The following DSCAM variants were observed in gnomAD, a reference collection of about 807,000 sequenced individuals.
DSCAM encodes the protein DS cell adhesion molecule.
Under a neutral mutation model 217.7 loss-of-function variants are expected in DSCAM, and 47 were observed. That is an observed-to-expected ratio of 0.22 (90% CI 0.17 to 0.28). DSCAM has a LOEUF of 0.28. DSCAM is among the 10% of genes least tolerant of loss of function. The probability of loss-of-function intolerance (pLI) is 1.00; values close to 1 mark genes in which losing one functional copy is unlikely to be tolerated. For synonymous variants in DSCAM, 1,056 were observed against 1,015.3 expected, an observed-to-expected ratio of 1.04 and a Z score of -0.76; for missense variants, 2,080 against 2,618.3, an observed-to-expected ratio of 0.79 and a Z score of 4.49.
In DSCAM at chr21:40,829,768, G is replaced by A. The variant is rs181665291; in HGVS notation, c.43+16851C>T. On this transcript the variant is annotated intron_variant, in intron 1 of 32. Transcript: ENST00000400454. ...AAAAGATGGGTGACACATGCTGCAC[G>A]TTGGGAAGTGGGGATGACCAGGTGC... 1.5e-4 allele frequency among the ~76,000 whole-genome samples: 23 copies of A among 152,260 alleles called. 1 individual carries two copies. Among genetic ancestry groups the A allele is most frequent in the Admixed American group, 4.6e-4 (7 of 15,302 alleles).
chr21:40,494,720 T>C (rs556803512), intron 3 of DSCAM, among the ~76,000 whole-genome samples: 200 of 149,568 alleles, frequency 1.3e-3, no homozygotes, highest in African/African-American at 4.4e-3. Flanking sequence ...GAGAACAAAC[T>C]AAGCCCATAA....
chr21:40,821,406 C>T (rs940577109), intron 1 of DSCAM, among the ~76,000 whole-genome samples: 3 of 151,824 alleles, frequency 2.0e-5, no homozygotes, highest in African/African-American at 7.3e-5. Context: ...CACACACACA[C>T]ACACACACAC....
intron 11 of DSCAM, among the ~76,000 whole-genome samples, chr21:40,266,760 C>A: frequency 2.0e-5 from 2 of 98,596 alleles, no homozygotes; most frequent in African/African-American, 4.1e-5. Flanking sequence ...TATATATCAT[C>A]TTGAAATTTT....
At chr21:40,427,669 G>A (rs2075488350) in intron 3 of DSCAM, among the ~76,000 whole-genome samples, 1 of 152,190 alleles carries the variant, frequency 6.6e-6, no homozygotes, top group Non-Finnish European at 1.5e-5. Flanking sequence ...AAAGAGTTAG[G>A]GAGAGGATAA....
At position 40,784,370 on chromosome 21, in the gene DSCAM, C is replaced by A. The variant is rs539108462; in HGVS notation, c.43+62249G>T. ...CTGCCGTGTAAGGCGTGCCTTTCAC[C>A]TTCCACCATGATTGTGAGGCCTCCC... On this transcript the variant is annotated intron_variant, in intron 1 of 32. Coordinates refer to ENST00000400454, the MANE Select transcript of DSCAM (RefSeq NM_001389.5). 1.4e-4 allele frequency among the ~76,000 whole-genome samples: 21 copies of A among 152,222 alleles called. No homozygotes were observed. The South Asian group carries it at 4.4e-3, about 32-fold the overall frequency.
intron 29 of DSCAM, among the ~76,000 whole-genome samples, chr21:40,055,260 A>G (rs1469974161): frequency 6.6e-6 from 1 of 152,138 alleles, no homozygotes; most frequent in Non-Finnish European, 1.5e-5. Context: ...GTACAAAGAC[A>G]TGTGTTTGTT....
At position 40,607,376 on chromosome 21, in the gene DSCAM, T is replaced by C. The variant is rs536958089; in HGVS notation, c.508+85434A>G. Among the ~76,000 whole-genome samples the C allele has an allele frequency of 8.6e-5, 13 of 151,696 alleles. 1 individual carries two copies. In the South Asian group the frequency reaches 2.7e-3, roughly 32 times the overall value. ...AAGTTATTTGGATCCAAATTTCATATGCCTCATTCTCCCTTTAATTCTGAT... is the reference window on the plus strand; with the variant it reads ...AAGTTATTTGGATCCAAATTTCATACGCCTCATTCTCCCTTTAATTCTGAT... On this transcript the variant is annotated intron_variant, in intron 3 of 32. Transcript: ENST00000400454.
chr21:40,068,784 G>A (rs2089247526), intron 27 of DSCAM, among the ~76,000 whole-genome samples: 1 of 152,122 alleles, frequency 6.6e-6, no homozygotes, highest in Non-Finnish European at 1.5e-5. Context: ...CAGTTTTCAC[G>A]TCAGAAAATG....
chr21:40,622,938 TAAAC>T lies in DSCAM; in HGVS notation c.508+69868_508+69871del, dbSNP rs551282632. Among the ~76,000 whole-genome samples, 59 of 152,122 alleles carry T rather than the reference TAAAC, an allele frequency of 3.9e-4. No individual in the cohort carries two copies. The South Asian group carries it at 0.011, about 27-fold the overall frequency. On this transcript the variant is annotated intron_variant, in intron 3 of 32. Coordinates refer to ENST00000400454, the MANE Select transcript of DSCAM (RefSeq NM_001389.5). ...TTCTTTGTCATATAATTGGACCTAA[TAAAC>T]AAACATCACATTAGTTACCTAGTAA...
rs182566362 is a variant in DSCAM at position 40,115,344 on chromosome 21, C to G, written c.3696+8851G>C. On this transcript the variant is annotated intron_variant, in intron 20 of 32. Coordinates refer to ENST00000400454, the MANE Select transcript of DSCAM (RefSeq NM_001389.5). Reference sequence around the variant, plus strand: ...AAACCAAACGCCGCAAGTTCTCACTCATAGGTGGGAATTGAACAATGAGAA... The same window carrying G: ...AAACCAAACGCCGCAAGTTCTCACTGATAGGTGGGAATTGAACAATGAGAA... Among the ~76,000 whole-genome samples the G allele has an allele frequency of 2.0e-4, 31 of 152,210 alleles. 1 individual carries two copies. Among genetic ancestry groups the G allele is most frequent in the Admixed American group, 2.0e-3 (30 of 15,294 alleles).
At chr21:40,773,771 C>T (rs1413366444) in intron 1 of DSCAM, among the ~76,000 whole-genome samples, 1 of 152,156 alleles carries the variant, frequency 6.6e-6, no homozygotes, top group Non-Finnish European at 1.5e-5. Flanking sequence ...AGGGGAAGTT[C>T]CCCTCTGCTA....
intron 3 of DSCAM, among the ~76,000 whole-genome samples, chr21:40,535,041 AC>A (rs1156534712): frequency 2.6e-5 from 4 of 152,004 alleles, no homozygotes; most frequent in Admixed American, 2.0e-4. Flanking sequence ...TAAGACTGTA[AC>A]CTTTGATACC....
At position 40,741,061 on chromosome 21, in the gene DSCAM, C is replaced by T. The variant is rs117624601; in HGVS notation, c.44-32290G>A. On this transcript the variant is annotated intron_variant, in intron 1 of 32. Coordinates refer to ENST00000400454, the MANE Select transcript of DSCAM (RefSeq NM_001389.5). ...GGAATAAGATGAGAACACCAAGGCC[C>T]TCTTATGGAAGATTAACCTGAAGTC... Among the ~76,000 whole-genome samples, 6 of 152,264 alleles carry T rather than the reference C, an allele frequency of 3.9e-5. No homozygotes were observed. The East Asian group carries it at 1.2e-3, about 29-fold the overall frequency.
intron 6 of DSCAM, among the ~76,000 whole-genome samples, chr21:40,340,108 A>T (rs1184870095): frequency 6.6e-6 from 1 of 152,226 alleles, no homozygotes; most frequent in Non-Finnish European, 1.5e-5. Flanking sequence ...TATCTTAAGT[A>T]GGGTACTTAA....
chr21:40,187,290 G>A lies in DSCAM; in HGVS notation c.2651-31C>T, dbSNP rs757965078. On this transcript the variant is annotated intron_variant, in intron 13 of 32. Coordinates refer to ENST00000400454, the MANE Select transcript of DSCAM (RefSeq NM_001389.5). Reference sequence around the variant, plus strand: ...CCATCAACAGAAAGACTACGAGTTAGTTCAAACAGAGCTCTGACATAAAAC... The same window carrying A: ...CCATCAACAGAAAGACTACGAGTTAATTCAAACAGAGCTCTGACATAAAAC... The A allele has an allele frequency of 3.7e-6, 6 of 1,611,862 alleles. No individual in the cohort carries two copies. The South Asian group carries it at 6.6e-5, about 18-fold the overall frequency.
chr21:40,621,022 A>G (rs1370599526), intron 3 of DSCAM, among the ~76,000 whole-genome samples: 1 of 152,246 alleles, frequency 6.6e-6, no homozygotes, highest in East Asian at 1.9e-4. Flanking sequence ...GACATTCTAG[A>G]AAAAGCAAAA....
intron 16 of DSCAM, among the ~76,000 whole-genome samples, chr21:40,152,182 T>C: frequency 6.6e-6 from 1 of 151,620 alleles, no homozygotes; most frequent in East Asian, 1.9e-4. Context: ...AAGAACTCAA[T>C]AAAACAAGGC....
rs906853808 is a variant in DSCAM, at chr21:40,103,287, C to T, written c.3697-9413G>A. Among the ~76,000 whole-genome samples the T allele has an allele frequency of 2.6e-5, 4 of 151,832 alleles. No individual in the cohort carries two copies. In the South Asian group the frequency reaches 6.2e-4, roughly 24 times the overall value. On this transcript the variant is annotated intron_variant, in intron 20 of 32. Coordinates refer to ENST00000400454, the MANE Select transcript of DSCAM (RefSeq NM_001389.5). The stretch of plus-strand genomic sequence containing the variant: ...AATTGTTAACATGCAATTAAAAAAA[C>T]TTGAAGGCTGTGATTTCATAGATAG...
chr21:40,499,606 ATTTAAC>A (rs946400629), intron 3 of DSCAM, among the ~76,000 whole-genome samples: 12 of 152,344 alleles, frequency 7.9e-5, no homozygotes, highest in African/African-American at 2.9e-4. Context: ...TAATTAGGGA[ATTTAAC>A]TTTACTTTTC....
Sources: gnomAD v4.1 joint callset for allele counts (sites outside exome capture counted in the v4.1 genomes callset) on GRCh38, gnomAD v4.1.1 for gene constraint, MANE v1.5 for transcripts, NCBI Gene and HGNC (gene_info 2026-07-23, HGNC 2026-07-21) for gene names.